WHRN: variants seen among roughly 807,000 people sequenced by gnomAD.
The protein encoded by WHRN is whirlin.
WHRN carries 41 observed loss-of-function variants against 68.3 expected under a neutral mutation model. That is an observed-to-expected ratio of 0.60 (90% CI 0.47 to 0.78). The LOEUF is 0.78. WHRN is among the 30% of genes least tolerant of loss of function. The pLI is 0.00. For synonymous variants in WHRN, 560 were observed against 561.3 expected (o/e 1.00, Z 0.03); for missense variants, 1,243 against 1,244.7 (o/e 1.00, Z 0.02).
intron 3 of WHRN, 42 bp from the exon 4 acceptor site, chr9:114,426,455 C>G: frequency 6.2e-7 from 1 of 1,608,164 alleles, no homozygotes; most frequent in Non-Finnish European, 8.5e-7. Context: ...GGGCTGTTTG[C>G]AGGATTCACA....
chr9:114,436,263 G>A (rs527792925), intron 3 of WHRN, among the ~76,000 whole-genome samples: 1 of 152,226 alleles, frequency 6.6e-6, no homozygotes, highest in African/African-American at 2.4e-5. Context: ...TTAGAGGGGT[G>A]ATACTCTTCT....
Position 114,433,593 on chromosome 9 carries a change from G to GT in WHRN, c.964-7181dup, listed in dbSNP as rs200827303. On this transcript the variant is annotated intron_variant, in intron 3 of 11. Transcript: ENST00000362057. ...GTCAGGTGTAAAACTTTAATGGGCT[G>GT]TTTTTTTTTCTTTCATTACAAGTAA... Among the ~76,000 whole-genome samples, 1,176 of 151,338 alleles carry GT rather than the reference G, an allele frequency of 7.8e-3. 14 individuals are homozygous for GT. Among genetic ancestry groups the GT allele is most frequent in the South Asian group, 0.034 (162 of 4,776 alleles).
Position 114,415,347 on chromosome 9 carries a change from G to A in WHRN, c.1627-7329C>T, listed in dbSNP as rs565172687. 1.1e-4 allele frequency among the ~76,000 whole-genome samples: 16 copies of A among 151,166 alleles called. No homozygotes were observed. The East Asian group carries it at 2.9e-3, about 28-fold the overall frequency. On this transcript the variant is annotated intron_variant, in intron 7 of 11. Coordinates refer to ENST00000362057, the MANE Select transcript of WHRN (RefSeq NM_015404.4). ...TTCTCCAGAGTATCCCATGGTTTTA[G>A]GGTTAAACACAAACGCCTCCCGCTC...
intron 3 of WHRN, among the ~76,000 whole-genome samples, chr9:114,460,017 C>T (rs1370940292): frequency 6.6e-6 from 1 of 152,120 alleles, no homozygotes; most frequent in African/African-American, 2.4e-5. Flanking sequence ...GAGCCTCAGC[C>T]AGGATGGCAG....
At position 114,406,570 on chromosome 9, in the gene WHRN, T is replaced by G. The variant is rs768703896; in HGVS notation, c.2021A>C (p.Gln674Pro). Residue 674 changes from glutamine (Q) to proline (P), a missense_variant, in exon 9 of 12, where the codon CAA becomes CCA. Coordinates refer to ENST00000362057, the MANE Select transcript of WHRN (RefSeq NM_015404.4). ...PLDAHLALVN[Q>P]HPIGPFPRVQ... is the part of the protein sequence containing the mutation. Reference sequence around the variant, plus strand: ...CCGTGGGAAGGGGCCGATGGGGTGTTGGTTGACCAGGGCCAGATGGGCGTC... The same window carrying G: ...CCGTGGGAAGGGGCCGATGGGGTGTGGGTTGACCAGGGCCAGATGGGCGTC... 1.6e-5 allele frequency: 25 copies of G among 1,611,286 alleles called. No individual in the cohort carries two copies. Among genetic ancestry groups the G allele is most frequent in the South Asian group, 2.2e-5 (2 of 90,994 alleles).
At chr9:114,437,283 AATGT>A (rs1837940417) in intron 3 of WHRN, among the ~76,000 whole-genome samples, 1 of 152,218 alleles carries the variant, frequency 6.6e-6, no homozygotes, top group African/African-American at 2.4e-5. Context: ...CTAAAGGAAA[AATGT>A]ATTTATAGGC....
Position 114,504,172 on chromosome 9 carries a change from C to T in WHRN, c.618+12G>A. On this transcript the variant is annotated intron_variant, in intron 1 of 11. Coordinates refer to ENST00000362057, the MANE Select transcript of WHRN (RefSeq NM_015404.4). The stretch of plus-strand genomic sequence containing the variant: ...TACTCTGCCCCAGACTCTCTCCAAA[C>T]CACAGCCTTACCTTGACGGCCTCCG... 1.9e-6 allele frequency: 3 copies of T among 1,614,106 alleles called. No homozygotes were observed. Among genetic ancestry groups the T allele is most frequent in the South Asian group, 1.1e-5 (1 of 91,086 alleles).
chr9:114,455,851 T>C (rs1040015799), intron 3 of WHRN, among the ~76,000 whole-genome samples: 1 of 152,174 alleles, frequency 6.6e-6, no homozygotes, highest in African/African-American at 2.4e-5. Context: ...CAAAAATGCA[T>C]TTAATACACC....
At chr9:114,404,164 G>T (rs1834866686) in intron 9 of WHRN, 87 bp from the exon 10 acceptor site, 9 of 1,384,460 alleles carry the variant, frequency 6.5e-6, no homozygotes, top group South Asian at 1.2e-5. Context: ...GATGGAGGCT[G>T]GAAGGCTGGG....
At position 114,482,029 on chromosome 9, in the gene WHRN, G is replaced by A. The variant is rs532592467; in HGVS notation, c.619-3258C>T. Among the ~76,000 whole-genome samples the A allele has an allele frequency of 2.6e-5, 4 of 152,158 alleles. 1 individual carries two copies. In the South Asian group the frequency reaches 8.3e-4, roughly 32 times the overall value. On this transcript the variant is annotated intron_variant, in intron 1 of 11. Transcript: ENST00000362057. ...GTAGGTCCTTATGACACTTGAGCCT[G>A]GTGAGGGATATAGCATTGTCCTGCG... is the stretch of plus-strand genomic sequence containing the variant.
At chr9:114,504,097 C>T in intron 1 of WHRN, 87 bp downstream of exon 1, 1 of 1,586,594 alleles carries the variant, frequency 6.3e-7, no homozygotes, top group Non-Finnish European at 8.6e-7. Context: ...AGTGATTCAT[C>T]TAAGGACACA....
At chr9:114,468,899 T>C (rs1840949455) in intron 2 of WHRN, among the ~76,000 whole-genome samples, 1 of 152,176 alleles carries the variant, frequency 6.6e-6, no homozygotes, top group Non-Finnish European at 1.5e-5. Context: ...TGGTCCCTTG[T>C]CACAGGCAGC....
At chr9:114,464,561 G>A (rs1013581230) in intron 3 of WHRN, among the ~76,000 whole-genome samples, 8 of 152,106 alleles carry the variant, frequency 5.3e-5, no homozygotes, top group South Asian at 2.1e-4. Flanking sequence ...TCTCCCAAAG[G>A]CCCCACCTCC....
At chr9:114,426,551 G>T in intron 3 of WHRN, 138 bp from the exon 4 acceptor site, 1 of 984,886 alleles carries the variant, frequency 1.0e-6, no homozygotes, top group Non-Finnish European at 1.6e-6. Context: ...ATGTGAGGAT[G>T]CCTGAGGGTC....
chr9:114,424,849 TG>T, intron 5 of WHRN, 138 bp downstream of exon 5: 1 of 988,048 alleles, frequency 1.0e-6, no homozygotes, highest in Non-Finnish European at 1.6e-6. Context: ...CACAGATAAG[TG>T]GGCTGGGGGG....
At position 114,444,478 on chromosome 9, in the gene WHRN, C is replaced by T. The variant is rs367956404; in HGVS notation, c.964-18065G>A. ...TTCCAATTAAACTTAAAAAAAATTA[C>T]AAAACCAATATAATGACATAGTACA... On this transcript the variant is annotated intron_variant, in intron 3 of 11. Coordinates refer to ENST00000362057, the MANE Select transcript of WHRN (RefSeq NM_015404.4). Among the ~76,000 whole-genome samples the T allele has an allele frequency of 9.9e-5, 15 of 151,722 alleles. No individual in the cohort carries two copies. In the East Asian group the frequency reaches 2.1e-3, roughly 21 times the overall value.
intron 2 of WHRN, among the ~76,000 whole-genome samples, chr9:114,476,384 T>C (rs937615773): frequency 1.3e-5 from 2 of 151,996 alleles, no homozygotes; most frequent in Admixed American, 1.3e-4. Flanking sequence ...CCTTTGCACA[T>C]GCTGTCCTTG....
chr9:114,458,929 G>A (rs114043830), intron 3 of WHRN, among the ~76,000 whole-genome samples: 196 of 152,314 alleles, frequency 1.3e-3, no homozygotes, highest in African/African-American at 4.2e-3. Context: ...AACAGTCTCC[G>A]TGGTAGGTGC....
At chr9:114,487,683 G>GT (rs951813875) in intron 1 of WHRN, among the ~76,000 whole-genome samples, 1 of 126,004 alleles carries the variant, frequency 7.9e-6, no homozygotes, top group African/African-American at 2.7e-5. Context: ...GCCATAGGCA[G>GT]TGAGTCTTTA....
Sources: gnomAD v4.1 joint callset for allele counts (sites outside exome capture counted in the v4.1 genomes callset) on GRCh38, gnomAD v4.1.1 for gene constraint, MANE v1.5 for transcripts, NCBI Gene and HGNC (gene_info 2026-07-23, HGNC 2026-07-21) for gene names.